The following CPA4 variants were observed in gnomAD, a reference collection of about 807,000 sequenced individuals.
CPA4 encodes carboxypeptidase A4.
Under a neutral mutation model 54.7 loss-of-function variants are expected in CPA4, and 49 were observed. The ratio of observed to expected loss-of-function variants is 0.90; its 90% CI spans 0.71 to 1.14. The LOEUF is 1.14. Among genes scored for constraint, CPA4 ranks in the 50% most tolerant of loss-of-function variants. The pLI, the probability that CPA4 is intolerant of heterozygous loss-of-function variation, is 0.00. For missense variants in CPA4, 487 were observed against 525.1 expected, an observed-to-expected ratio of 0.93 and a Z score of 0.71; for synonymous variants, 215 against 206.8, an observed-to-expected ratio of 1.04 and a Z score of -0.34.
intron 3 of CPA4, chr7:130,299,733 G>A (rs771190235): frequency 9.9e-5 from 25 of 253,666 alleles, no homozygotes; most frequent in Non-Finnish European, 1.1e-4. Context: ...TGAGACCTTC[G>A]TCATGTGATT....
At chr7:130,302,606 G>A (rs996320123) in intron 4 of CPA4, among the ~76,000 whole-genome samples, 2 of 151,988 alleles carry the variant, frequency 1.3e-5, no homozygotes, top group African/African-American at 4.8e-5. Context: ...CAAAGCCATT[G>A]TCTGTGTTGT....
intron 1 of CPA4, among the ~76,000 whole-genome samples, chr7:130,296,897 C>T (rs1470822799): frequency 1.3e-5 from 2 of 151,618 alleles, no homozygotes; most frequent in East Asian, 1.9e-4. Flanking sequence ...AGCGGACGGG[C>T]CCTTGTCCCC....
intron 7 of CPA4, among the ~76,000 whole-genome samples, chr7:130,307,699 C>T (rs73146802): frequency 6.6e-6 from 1 of 151,876 alleles, no homozygotes; most frequent in African/African-American, 2.4e-5. Flanking sequence ...AAGGTCTGCG[C>T]ATGCACCTGG....
chr7:130,318,720 A>G (rs1794031350), intron 10 of CPA4, among the ~76,000 whole-genome samples: 1 of 151,798 alleles, frequency 6.6e-6, no homozygotes, highest in Admixed American at 6.6e-5. Context: ...CAAAATGTCC[A>G]CCTTTTCTAA....
Position 130,312,027 on chromosome 7 carries a change from C to T in CPA4, c.994-11C>T, listed in dbSNP as rs1475784773. On this transcript the variant is annotated splice_polypyrimidine_tract_variant and intron_variant, in intron 9 of 10. Coordinates refer to ENST00000222482, the MANE Select transcript of CPA4 (RefSeq NM_016352.4). ...CGATTTTTTCTCACTCCACGGATTCCCCCTTCCCAGGACAAGGTGGCGAGG... is the reference window on the plus strand; with the variant it reads ...CGATTTTTTCTCACTCCACGGATTCTCCCTTCCCAGGACAAGGTGGCGAGG... The T allele has an allele frequency of 6.2e-7, 1 of 1,611,654 alleles. No individual in the cohort carries two copies. The highest frequency in any genetic ancestry group is 8.5e-7 in the Non-Finnish European group (1 of 1,177,916).
intron 10 of CPA4, among the ~76,000 whole-genome samples, chr7:130,318,054 T>C (rs1361297416): frequency 6.6e-6 from 1 of 152,178 alleles, no homozygotes; most frequent in Non-Finnish European, 1.5e-5. Flanking sequence ...CCATTAATAA[T>C]TCATGGTTTC....
At position 130,305,841 on chromosome 7, in the gene CPA4, G is replaced by A. The variant is rs751553332; in HGVS notation, c.512G>A (p.Arg171Gln). Residue 171 changes from arginine to glutamine, a missense_variant, in exon 6 of 11, where the codon CGG (arginine) becomes CAG (glutamine). Coordinates refer to ENST00000222482, the MANE Select transcript of CPA4 (RefSeq NM_016352.4). ...TTCAGCACTGGGAAAGGCGTGAGGCGGCCGGCCGTTTGGCTGAATGCAGGC... is the reference window on the plus strand; with the variant it reads ...TTCAGCACTGGGAAAGGCGTGAGGCAGCCGGCCGTTTGGCTGAATGCAGGC... ...LKFSTGKGVR[R>Q]PAVWLNAGIH... The A allele has an allele frequency of 2.0e-5, 33 of 1,613,998 alleles. No homozygotes were observed. The highest frequency in any genetic ancestry group is 2.3e-5 in the Non-Finnish European group (27 of 1,180,006).
At chr7:130,298,451 C>G (rs1307440290) in intron 1 of CPA4, among the ~76,000 whole-genome samples, 1 of 152,206 alleles carries the variant, frequency 6.6e-6, no homozygotes, top group Non-Finnish European at 1.5e-5. Context: ...TGGTATATTT[C>G]CGCTGTCTGT....
intron 8 of CPA4, among the ~76,000 whole-genome samples, chr7:130,309,969 G>A (rs936683880): frequency 1.3e-5 from 2 of 152,128 alleles, no homozygotes; most frequent in African/African-American, 4.8e-5. Flanking sequence ...GTTTTGCCAT[G>A]TTGCCCAGAC....
chr7:130,314,550 C>T (rs949570306), intron 10 of CPA4, among the ~76,000 whole-genome samples: 4 of 152,252 alleles, frequency 2.6e-5, no homozygotes, highest in Middle Eastern at 3.4e-3. Context: ...TTCAGCATTC[C>T]GGAGCAAAGG....
intron 3 of CPA4, among the ~76,000 whole-genome samples, chr7:130,300,297 T>C (rs1484357645): frequency 7.2e-5 from 11 of 152,052 alleles, no homozygotes; most frequent in Non-Finnish European, 1.0e-4. Flanking sequence ...AAGTGGGTTT[T>C]GAATGAGGCC....
chr7:130,321,530 G>A lies in CPA4; in HGVS notation c.1079-959G>A, dbSNP rs538922304. On this transcript the variant is annotated intron_variant, in intron 10 of 10. Coordinates refer to ENST00000222482, the MANE Select transcript of CPA4 (RefSeq NM_016352.4). Reference sequence around the variant, plus strand: ...CTTCCAGGGCCTCAGTCAACCTAAGGCTTGTGTATTTGTCCATTTTCACAC... The same window carrying A: ...CTTCCAGGGCCTCAGTCAACCTAAGACTTGTGTATTTGTCCATTTTCACAC... Among the ~76,000 whole-genome samples, 10 of 152,270 alleles carry A rather than the reference G, an allele frequency of 6.6e-5. 1 individual carries two copies. The South Asian group carries it at 2.1e-3, about 32-fold the overall frequency.
intron 10 of CPA4, among the ~76,000 whole-genome samples, chr7:130,321,491 T>C (rs1163807905): frequency 1.3e-5 from 2 of 152,224 alleles, no homozygotes; most frequent in African/African-American, 4.8e-5. Context: ...TTCATGAGGC[T>C]GCAGTCAAGA....
chr7:130,299,381 G>C lies in CPA4; in HGVS notation c.262G>C (p.Ala88Pro). The C allele has an allele frequency of 6.2e-7, 1 of 1,614,096 alleles. No individual in the cohort carries two copies. Among genetic ancestry groups the C allele is most frequent in the South Asian group, 1.1e-5 (1 of 91,082 alleles). ...SFLRSQGLEYAVTIEDLQALL... is the reference protein window; with the variant it reads ...SFLRSQGLEYPVTIEDLQALL... ...CCTGAGATCCCAGGGCTTAGAGTAC[G>C]CAGTGACAATTGAGGACCTGCAGGT... Residue 88 changes from alanine (A) to proline (P), a missense_variant, in exon 3 of 11, where the codon GCA becomes CCA. Transcript: ENST00000222482.
intron 10 of CPA4, among the ~76,000 whole-genome samples, chr7:130,314,683 A>G (rs1793962509): frequency 6.6e-6 from 1 of 152,208 alleles, no homozygotes. Context: ...GAAAGAAACA[A>G]GAAAAAGAGA....
chr7:130,294,967 A>T (rs1793626257), intron 1 of CPA4, among the ~76,000 whole-genome samples: 1 of 152,018 alleles, frequency 6.6e-6, no homozygotes, highest in Non-Finnish European at 1.5e-5. Flanking sequence ...CCTCCCTTCC[A>T]TCTGCCTCAC....
chr7:130,300,618 G>A (rs1187944802), intron 3 of CPA4, among the ~76,000 whole-genome samples, 198 bp from the exon 4 acceptor site: 1 of 152,074 alleles, frequency 6.6e-6, no homozygotes, highest in African/African-American at 2.4e-5. Flanking sequence ...ACAGACATGA[G>A]CCACCCTGCC....
Position 130,322,706 on chromosome 7 carries a change from TG to T in CPA4, c.*31del. 1 of 1,598,222 alleles carries T rather than the reference TG, an allele frequency of 6.3e-7. No homozygotes were observed. The highest frequency in any genetic ancestry group is 8.5e-7 in the Non-Finnish European group (1 of 1,171,644). ...TGGCTCTGCTCTGTCTACATTTATTTGTACCCACACGTGCACGCACTGAGGC... is the reference window on the plus strand; with the variant it reads ...TGGCTCTGCTCTGTCTACATTTATTTTACCCACACGTGCACGCACTGAGGC... On this transcript the variant is annotated 3_prime_UTR_variant, in exon 11 of 11. Transcript: ENST00000222482.
chr7:130,302,569 GT>G lies in CPA4; in HGVS notation c.384+1658del, dbSNP rs1250242215. On this transcript the variant is annotated intron_variant, in intron 4 of 10. Transcript: ENST00000222482. ...CTTAGGTCTCTAGTGGGAATTTCAT[GT>G]TTGTCTCTGCCAGAGTTTCTGGTTC... Among the ~76,000 whole-genome samples the G allele has an allele frequency of 5.3e-5, 8 of 151,898 alleles. No individual in the cohort carries two copies. The South Asian group carries it at 1.7e-3, about 32-fold the overall frequency.
Sources: gnomAD v4.1 joint callset for allele counts (sites outside exome capture counted in the v4.1 genomes callset) on GRCh38, gnomAD v4.1.1 for gene constraint, MANE v1.5 for transcripts, NCBI Gene and HGNC (gene_info 2026-07-23, HGNC 2026-07-21) for gene names.